The following DIP2A variants were observed in gnomAD, a reference collection of about 807,000 sequenced individuals.
DIP2A encodes the protein disco-interacting protein 2 homolog A.
DIP2A carries 85 observed loss-of-function variants against 177.4 expected under a neutral mutation model. The observed-to-expected ratio is 0.48, with a 90% CI of 0.40 to 0.57. DIP2A has a LOEUF of 0.57. Ranked by LOEUF, DIP2A falls within the 20% of genes least tolerant of loss-of-function variation. The pLI is 0.00. For missense variants in DIP2A, 1,791 were observed against 2,100.2 expected (o/e 0.85, Z 2.88); for synonymous variants, 886 against 881.8 (o/e 1.00, Z -0.08).
chr21:46,537,380 G>C lies in DIP2A; in HGVS notation c.1708-66G>C, dbSNP rs1273008970. On this transcript the variant is annotated intron_variant, in intron 14 of 37. Transcript: ENST00000417564. This position sits in a 1 kb window ranked among gnomAD's most constrained non-coding sequence, Gnocchi z 4.1. The stretch of plus-strand genomic sequence containing the variant: ...GAAATGTTGTTGGGAGAGTACATCG[G>C]TTTTGTTTTGCTTTTTCTGGTGTGG... 4 of 1,610,342 alleles carry C rather than the reference G, an allele frequency of 2.5e-6. No homozygotes were observed. The highest frequency in any genetic ancestry group is 1.3e-5 in the African/African-American group (1 of 74,984).
chr21:46,520,454 C>T (rs1014694844), intron 8 of DIP2A, among the ~76,000 whole-genome samples: 3 of 152,218 alleles, frequency 2.0e-5, no homozygotes, highest in Admixed American at 2.0e-4. Context: ...GTTCGATATT[C>T]ATGAACATTT....
At chr21:46,480,901 A>G (rs2056300945) in intron 1 of DIP2A, among the ~76,000 whole-genome samples, 2 of 152,118 alleles carry the variant, frequency 1.3e-5, no homozygotes. Context: ...CACTTGGTCC[A>G]TTGTGGAGTC....
At chr21:46,473,373 G>A (rs995684186) in intron 1 of DIP2A, among the ~76,000 whole-genome samples, 1 of 151,096 alleles carries the variant, frequency 6.6e-6, no homozygotes, top group Non-Finnish European at 1.5e-5. Context: ...CGATGTGGGA[G>A]GATTGCTTGA....
At chr21:46,499,311 C>G (rs921469352) in intron 5 of DIP2A, among the ~76,000 whole-genome samples, 1 of 152,184 alleles carries the variant, frequency 6.6e-6, no homozygotes, top group South Asian at 2.1e-4. Context: ...CACCTTCCTG[C>G]TCTTGAGGGG....
chr21:46,550,820 C>T (rs924116426), intron 23 of DIP2A, 76 bp downstream of exon 23: 1 of 1,450,516 alleles, frequency 6.9e-7, no homozygotes, highest in South Asian at 1.2e-5. Flanking sequence ...GGGTGCGGCC[C>T]TGCTAGACCT....
chr21:46,508,486 G>A (rs2058136217), intron 6 of DIP2A, among the ~76,000 whole-genome samples: 1 of 150,172 alleles, frequency 6.7e-6, no homozygotes, highest in South Asian at 2.1e-4. Context: ...AGCCTCCCGA[G>A]TAGCTGGGAC....
intron 3 of DIP2A, among the ~76,000 whole-genome samples, chr21:46,492,666 A>C (rs571156435): frequency 6.6e-6 from 1 of 152,292 alleles, no homozygotes; most frequent in African/African-American, 2.4e-5. Flanking sequence ...CGGTGCCCTT[A>C]TAAGAAGAGG....
chr21:46,534,259 T>C, intron 12 of DIP2A, 146 bp downstream of exon 12: 1 of 682,184 alleles, frequency 1.5e-6, no homozygotes, highest in East Asian at 2.7e-5. Flanking sequence ...AAATACAGAG[T>C]GTCATATAAA....
At chr21:46,466,183 C>A (rs938231895) in intron 1 of DIP2A, among the ~76,000 whole-genome samples, 1 of 151,986 alleles carries the variant, frequency 6.6e-6, no homozygotes, top group Non-Finnish European at 1.5e-5. Context: ...TTTGGAAGAT[C>A]CACATAATTT....
chr21:46,554,736 G>A (rs1191551005), intron 27 of DIP2A, 40 bp downstream of exon 27: 1 of 1,550,486 alleles, frequency 6.4e-7, no homozygotes, highest in Non-Finnish European at 8.7e-7. Context: ...CTGTGAGTGG[G>A]AGGCTGCAAG....
chr21:46,554,786 G>GGGGGGGGGGCCCCCCCCCCCCCC, intron 27 of DIP2A, 36 bp from the exon 28 acceptor site: 1 of 1,519,114 alleles, frequency 6.6e-7, no homozygotes, highest in Non-Finnish European at 8.8e-7. Flanking sequence ...AGCTTGAGAG[G>GGGGGGGGGGCCCCCCCCCCCCCC]CCCCGCCCAC....
At chr21:46,538,746 G>A (rs2059678119) in intron 16 of DIP2A, 144 bp downstream of exon 16, 7 of 1,216,346 alleles carry the variant, frequency 5.8e-6, no homozygotes, top group Non-Finnish European at 7.8e-6. Context: ...CTATGACACG[G>A]AACATCTTGG....
the DIP2A span, among the ~76,000 whole-genome samples, chr21:46,579,061 A>T: frequency 0.014 from 2,084 of 152,290 alleles, 43 homozygotes; most frequent in African/African-American, 0.048. Context: ...CCTCTGGTAG[A>T]ATTCAGCTGT....
chr21:46,580,043 G>A, the DIP2A span, among the ~76,000 whole-genome samples: 7 of 152,192 alleles, frequency 4.6e-5, no homozygotes, highest in African/African-American at 1.7e-4. Flanking sequence ...AATATTGACA[G>A]TGGGGTGTTA....
Position 46,557,210 on chromosome 21 carries a change from G to T in DIP2A, c.3629+141G>T. ...AGTGGGTTTGTTTGGGGATGAAGTG[G>T]GTTGGAGTCTGAGTCTGAAATTGAG... On this transcript the variant is annotated intron_variant, in intron 30 of 37. Transcript: ENST00000417564. This position sits in a 1 kb window ranked among gnomAD's most constrained non-coding sequence, Gnocchi z 6.0. 1 of 965,218 alleles carries T rather than the reference G, an allele frequency of 1.0e-6. No homozygotes were observed. The highest frequency in any genetic ancestry group is 1.5e-6 in the Non-Finnish European group (1 of 672,984). 59.8% of individuals were successfully genotyped at this position (965,218 alleles called of 1,614,324 possible).
At chr21:46,548,063 TGCAAA>T (rs2060127534) in intron 21 of DIP2A, among the ~76,000 whole-genome samples, 1 of 152,144 alleles carries the variant, frequency 6.6e-6, no homozygotes, top group Non-Finnish European at 1.5e-5. Flanking sequence ...GAGGGGATTC[TGCAAA>T]GTGGTGTGTC....
intron 1 of DIP2A, among the ~76,000 whole-genome samples, chr21:46,459,488 G>A (rs1601260654): frequency 2.4e-5 from 1 of 41,116 alleles, no homozygotes. Context: ...ACGACCCCTC[G>A]CCCCGAGACC....
At chr21:46,526,992 A>G (rs1282475409) in intron 8 of DIP2A, among the ~76,000 whole-genome samples, 1 of 148,618 alleles carries the variant, frequency 6.7e-6, no homozygotes, top group East Asian at 1.9e-4. Flanking sequence ...GCCCCTTATC[A>G]CATTAAGGAA....
At chr21:46,493,930 A>G (rs1179705128) in intron 3 of DIP2A, among the ~76,000 whole-genome samples, 3 of 152,274 alleles carry the variant, frequency 2.0e-5, no homozygotes, top group African/African-American at 4.8e-5. Context: ...GGATTAATCT[A>G]TACTCTACCT....
Sources: allele counts gnomAD v4.1 joint callset (sites outside exome capture counted in the v4.1 genomes callset), GRCh38; gene constraint gnomAD v4.1.1; non-coding constraint Gnocchi (gnomAD v3.1); transcripts MANE v1.5; gene names NCBI Gene and HGNC (gene_info 2026-07-23, HGNC 2026-07-21).